Variants in TNS3 observed in about 807,000 individuals in gnomAD.
TNS3 encodes the protein tensin 3.
TNS3 carries 45 observed loss-of-function variants against 140.9 expected under a neutral mutation model. The observed-to-expected ratio is 0.32, with a 90% CI of 0.25 to 0.41. The LOEUF is 0.41. Ranked by LOEUF, TNS3 falls within the 10% of genes least tolerant of loss-of-function variation. The probability of loss-of-function intolerance (pLI) is 1.00; values close to 1 mark genes in which losing one functional copy is unlikely to be tolerated. For synonymous variants in TNS3, 815 were observed against 788.4 expected (o/e 1.03, Z -0.56); for missense variants, 1,716 against 1,906.7 (o/e 0.90, Z 1.86).
At chr7:47,515,945 C>A (rs1170526454) in intron 2 of TNS3, among the ~76,000 whole-genome samples, 4 of 152,214 alleles carry the variant, frequency 2.6e-5, no homozygotes, top group African/African-American at 9.6e-5. Flanking sequence ...TGCTGGCAGG[C>A]TGTCTCCACC....
intron 28 of TNS3, among the ~76,000 whole-genome samples, chr7:47,283,298 G>A (rs796654347): frequency 1.1e-4 from 17 of 152,268 alleles, no homozygotes; most frequent in African/African-American, 3.6e-4. Context: ...AAGGTCATAC[G>A]CTCACCTGAA....
chr7:47,302,820 G>A (rs959669054), intron 22 of TNS3, 130 bp downstream of exon 22: 40 of 1,280,474 alleles, frequency 3.1e-5, no homozygotes, highest in Non-Finnish European at 3.9e-5. Context: ...GTACCCCAAC[G>A]GCTCTGGATT....
intron 4 of TNS3, 48 bp from the exon 5 acceptor site, chr7:47,442,103 G>A (rs1260696850): frequency 4.2e-5 from 50 of 1,193,944 alleles, no homozygotes; most frequent in Non-Finnish European, 5.3e-5. Flanking sequence ...TTTCCTGCCA[G>A]TCTACATGAC....
intron 1 of TNS3, among the ~76,000 whole-genome samples, chr7:47,571,337 G>A (rs1181795059): frequency 6.6e-6 from 1 of 152,212 alleles, no homozygotes; most frequent in Non-Finnish European, 1.5e-5. Flanking sequence ...GAGAACAAGT[G>A]GCAGGGACGA....
rs1294989212 is a variant in TNS3, at chr7:47,529,080, C to G, written c.-197G>C. 3 of 1,289,056 alleles carry G rather than the reference C, an allele frequency of 2.3e-6. No homozygotes were observed. In the Admixed American group the frequency reaches 6.9e-5, roughly 30 times the overall value. The allele number at this position is 1,289,056 out of a possible 1,614,324, so 79.9% of individuals were successfully genotyped here. A position where few individuals can be genotyped will look rare whatever the true frequency, so the allele number is the denominator to read the frequency against. Reference sequence around the variant, plus strand: ...ACCGTCAATAATTTGTTTGCAAACTCCACACACTTTGGATTTTTTAAAGGC... The same window carrying G: ...ACCGTCAATAATTTGTTTGCAAACTGCACACACTTTGGATTTTTTAAAGGC... On this transcript the variant is annotated 5_prime_UTR_variant, in exon 2 of 31. Transcript: ENST00000311160.
chr7:47,506,784 C>G, intron 3 of TNS3, 123 bp downstream of exon 3: 1 of 650,176 alleles, frequency 1.5e-6, no homozygotes, highest in Non-Finnish European at 2.3e-6. Flanking sequence ...GTACCCCAGC[C>G]CTGGCTTTCC....
chr7:47,292,801 G>C (rs193121111), intron 26 of TNS3, 27 bp downstream of exon 26: 8 of 1,605,508 alleles, frequency 5.0e-6, no homozygotes, highest in Non-Finnish European at 6.8e-6. Flanking sequence ...TCTACACAGA[G>C]CCTGACTAGC....
At chr7:47,458,035 A>T (rs1796328707) in intron 4 of TNS3, among the ~76,000 whole-genome samples, 1 of 152,260 alleles carries the variant, frequency 6.6e-6, no homozygotes, top group Non-Finnish European at 1.5e-5. Context: ...GGTCAATCCT[A>T]AAACCTATTG....
intron 20 of TNS3, among the ~76,000 whole-genome samples, chr7:47,322,664 A>G (rs184871119): frequency 6.6e-6 from 1 of 152,322 alleles, no homozygotes; most frequent in Admixed American, 6.5e-5. Flanking sequence ...CCTGTATATG[A>G]CGAACATAAA....
At chr7:47,330,799 C>T (rs564768763) in intron 20 of TNS3, among the ~76,000 whole-genome samples, 2 of 152,014 alleles carry the variant, frequency 1.3e-5, no homozygotes, top group Admixed American at 6.5e-5. Flanking sequence ...TTAAAGGTCT[C>T]GCAGCCTCCA....
intron 27 of TNS3, among the ~76,000 whole-genome samples, chr7:47,286,798 T>C (rs1490269999): frequency 6.6e-6 from 1 of 152,182 alleles, no homozygotes; most frequent in African/African-American, 2.4e-5. Flanking sequence ...TATGATGGAC[T>C]ATTGTGTAGC....
intron 20 of TNS3, among the ~76,000 whole-genome samples, chr7:47,325,429 G>A (rs1787975879): frequency 6.6e-6 from 1 of 152,138 alleles, no homozygotes; most frequent in Non-Finnish European, 1.5e-5. Flanking sequence ...AGAATCATAT[G>A]TCCACAGAGA....
intron 5 of TNS3, among the ~76,000 whole-genome samples, chr7:47,441,043 T>C (rs1795441837): frequency 6.6e-6 from 1 of 152,242 alleles, no homozygotes. Flanking sequence ...CTATGTAATT[T>C]CATTTATAAA....
Position 47,344,705 on chromosome 7 carries a change from A to G in TNS3, c.2650+50T>C, listed in dbSNP as rs545692183. 213 of 1,549,914 alleles carry G rather than the reference A, an allele frequency of 1.4e-4. 7 individuals carry two copies. In the South Asian group the frequency reaches 2.1e-3, roughly 15 times the overall value. Reference sequence around the variant, plus strand: ...TCTCTGTAAAAATGGCGACCCCGCGATGCAGCGCCTGAGTGCCGCGCGCCT... The same window carrying G: ...TCTCTGTAAAAATGGCGACCCCGCGGTGCAGCGCCTGAGTGCCGCGCGCCT... On this transcript the variant is annotated intron_variant, in intron 20 of 30. Coordinates refer to ENST00000311160, the MANE Select transcript of TNS3 (RefSeq NM_022748.12).
intron 9 of TNS3, among the ~76,000 whole-genome samples, chr7:47,427,133 A>AAC (rs1794697748): frequency 6.6e-6 from 1 of 151,552 alleles, no homozygotes; most frequent in African/African-American, 2.4e-5. Flanking sequence ...CAAAAAAAAA[A>AAC]AAAAAAAAAA....
At position 47,311,158 on chromosome 7, in the gene TNS3, G is replaced by T. The variant is rs1445732274; in HGVS notation, c.2651-6155C>A. ...GAATCTCCACACTGTCTTCCACAATGGTTGAACTAGTTTACAGTCCCACCA... is the reference window on the plus strand; with the variant it reads ...GAATCTCCACACTGTCTTCCACAATTGTTGAACTAGTTTACAGTCCCACCA... On this transcript the variant is annotated intron_variant, in intron 20 of 30. Transcript: ENST00000311160. 2.6e-5 allele frequency among the ~76,000 whole-genome samples: 4 copies of T among 152,180 alleles called. No homozygotes were observed. In the East Asian group the frequency reaches 7.7e-4, roughly 29 times the overall value.
At chr7:47,328,183 C>T (rs1788132938) in intron 20 of TNS3, among the ~76,000 whole-genome samples, 1 of 152,000 alleles carries the variant, frequency 6.6e-6, no homozygotes, top group Non-Finnish European at 1.5e-5. Context: ...GGGGGCGGGG[C>T]GGCCACCTCC....
Position 47,570,917 on chromosome 7 carries a change from A to G in TNS3, c.-265+11134T>C, listed in dbSNP as rs960957242. Among the ~76,000 whole-genome samples, 78 of 152,142 alleles carry G rather than the reference A, an allele frequency of 5.1e-4. 1 individual carries two copies. Among genetic ancestry groups the G allele is most frequent in the African/African-American group, 1.8e-3 (75 of 41,524 alleles). ...GATACAACGAAAATTACACAACCCA[A>G]TCCCACAGAATGTGAGCAGATGAAG... On this transcript the variant is annotated intron_variant, in intron 1 of 30. Coordinates refer to ENST00000311160, the MANE Select transcript of TNS3 (RefSeq NM_022748.12).
Position 47,493,691 on chromosome 7 carries a change from G to A in TNS3, c.-114-12550C>T, listed in dbSNP as rs553971242. Among the ~76,000 whole-genome samples the A allele has an allele frequency of 1.2e-4, 18 of 151,892 alleles. No individual in the cohort carries two copies. The East Asian group carries it at 3.5e-3, about 29-fold the overall frequency. On this transcript the variant is annotated intron_variant, in intron 3 of 30. Transcript: ENST00000311160. Reference sequence around the variant, plus strand: ...AAAAAAAAAAAAAATAGCCGGGCATGGTGGCGGGCGCCTGTAGTCCCAGCT... The same window carrying A: ...AAAAAAAAAAAAAATAGCCGGGCATAGTGGCGGGCGCCTGTAGTCCCAGCT...
Sources: allele counts gnomAD v4.1 joint callset (sites outside exome capture counted in the v4.1 genomes callset), GRCh38; gene constraint gnomAD v4.1.1; transcripts MANE v1.5; gene names NCBI Gene and HGNC (gene_info 2026-07-23, HGNC 2026-07-21).